Variants in ATXN7L1 observed in about 807,000 individuals in gnomAD.
The protein encoded by ATXN7L1 is ataxin-7-like protein 1.
In ATXN7L1, 15 loss-of-function variants were observed where a neutral mutation model predicts 70.8. The observed-to-expected ratio is 0.21, with a 90% CI of 0.14 to 0.33. The LOEUF (loss-of-function observed/expected upper bound fraction) is 0.33, where lower values mean the gene tolerates loss of function less well. ATXN7L1 is among the 10% of genes least tolerant of loss of function. The pLI, the probability that ATXN7L1 is intolerant of heterozygous loss-of-function variation, is 1.00. For missense variants in ATXN7L1, 975 were observed against 1,097.1 expected, an observed-to-expected ratio of 0.89 and a Z score of 1.57; for synonymous variants, 440 against 445.1, an observed-to-expected ratio of 0.99 and a Z score of 0.14.
chr7:105,787,212 A>G (rs1804434244), intron 3 of ATXN7L1, among the ~76,000 whole-genome samples: 1 of 152,204 alleles, frequency 6.6e-6, no homozygotes, highest in South Asian at 2.1e-4. Context: ...CAGAATGAAC[A>G]TGTCAGAGCT....
intron 2 of ATXN7L1, among the ~76,000 whole-genome samples, chr7:105,792,850 C>T (rs757387012): frequency 2.0e-5 from 3 of 152,088 alleles, no homozygotes; most frequent in Non-Finnish European, 1.5e-5. Context: ...AAGAGTGAAA[C>T]CACCTGTAAT....
intron 2 of ATXN7L1, among the ~76,000 whole-genome samples, chr7:105,795,087 G>T (rs929406): frequency 1.3e-5 from 2 of 152,090 alleles, no homozygotes; most frequent in East Asian, 1.9e-4. Context: ...CCTTCCTCCC[G>T]CTGAAATCTG....
At chr7:105,828,847 A>G (rs1253388729) in intron 2 of ATXN7L1, among the ~76,000 whole-genome samples, 3 of 152,188 alleles carry the variant, frequency 2.0e-5, no homozygotes, top group African/African-American at 4.8e-5. Context: ...AGCACTGACA[A>G]TTTCTAAAGA....
chr7:105,624,668 A>AC (rs1453567033), intron 7 of ATXN7L1, among the ~76,000 whole-genome samples: 3 of 147,648 alleles, frequency 2.0e-5, no homozygotes, highest in Non-Finnish European at 4.5e-5. Context: ...AAAAAAAAAC[A>AC]GCCTGATTAG....
intron 3 of ATXN7L1, among the ~76,000 whole-genome samples, chr7:105,693,930 A>G (rs1283692601): frequency 9.2e-5 from 14 of 152,190 alleles, no homozygotes; most frequent in Admixed American, 9.2e-4. Context: ...TAGCACATCC[A>G]AGACCAAGGA....
chr7:105,613,325 G>A (rs778422375), intron 10 of ATXN7L1: 21 of 202,044 alleles, frequency 1.0e-4, no homozygotes, highest in African/African-American at 4.7e-5. Context: ...GGAGGTGGGG[G>A]TCGAGGCAGC....
chr7:105,613,927 T>C lies in ATXN7L1; in HGVS notation c.2407A>G (p.Lys803Glu), dbSNP rs1221060491. ...GCGAGAAGGCTGGGCGGGTTCTTTT[T>C]GTGAACGCTATTCATACCAGGCATT... ...TKMPGMNSVH[K>E]KNPPSLLAPV... The change falls in exon 10 of 12, where the codon AAA (lysine) becomes GAA (glutamate). Residue 803 changes from lysine to glutamate, a missense_variant. Lys to Glu is a moderately conservative substitution (Grantham distance 56, BLOSUM62 1). This residue lies in a region of ATXN7L1 where 635 missense variants were observed against 699.4 expected (regional missense o/e 0.91). Coordinates refer to ENST00000419735, the MANE Select transcript of ATXN7L1 (RefSeq NM_020725.2). The C allele has an allele frequency of 6.4e-7, 1 of 1,552,086 alleles. No individual in the cohort carries two copies. Among genetic ancestry groups the C allele is most frequent in the South Asian group, 1.2e-5 (1 of 84,068 alleles).
intron 3 of ATXN7L1, chr7:105,761,179 C>T: frequency 1.5e-6 from 2 of 1,314,636 alleles, no homozygotes; most frequent in East Asian, 3.1e-5. Flanking sequence ...AAGAACCCCA[C>T]AGGTACCCCC....
intron 3 of ATXN7L1, among the ~76,000 whole-genome samples, chr7:105,765,334 CTAAA>C: frequency 6.6e-6 from 1 of 150,882 alleles, no homozygotes; most frequent in East Asian, 1.9e-4. Flanking sequence ...AAAAAACCCT[CTAAA>C]TAAGTCATAA....
rs112664654 is a variant in ATXN7L1 at position 105,617,585 on chromosome 7, AG to A, written c.1517+2614del. On this transcript the variant is annotated intron_variant, in intron 9 of 11. Coordinates refer to ENST00000419735, the MANE Select transcript of ATXN7L1 (RefSeq NM_020725.2). Reference sequence around the variant, plus strand: ...GGGCATGTGGCAGCTCCCTGTCCCCAGGAGTCCCTTCCCCGCCAAGGCTAAA... The same window carrying A: ...GGGCATGTGGCAGCTCCCTGTCCCCAGAGTCCCTTCCCCGCCAAGGCTAAA... 8.5e-3 allele frequency among the ~76,000 whole-genome samples: 1,290 copies of A among 152,304 alleles called. 15 individuals are homozygous for A. The highest frequency in any genetic ancestry group is 0.029 in the African/African-American group (1,224 of 41,574).
At chr7:105,711,746 C>T (rs148134919) in intron 3 of ATXN7L1, among the ~76,000 whole-genome samples, 26 of 152,312 alleles carry the variant, frequency 1.7e-4, no homozygotes, top group African/African-American at 3.4e-4. Context: ...CACTTCCAGG[C>T]GCATGGTGCA....
intron 2 of ATXN7L1, among the ~76,000 whole-genome samples, chr7:105,811,447 A>G (rs1035052931): frequency 1.1e-4 from 16 of 152,202 alleles, no homozygotes; most frequent in Non-Finnish European, 2.1e-4. Context: ...ATTTTAAGCC[A>G]TCTAGTTTGT....
intron 3 of ATXN7L1, among the ~76,000 whole-genome samples, chr7:105,686,573 C>T (rs1042825816): frequency 6.6e-6 from 1 of 152,188 alleles, no homozygotes; most frequent in Non-Finnish European, 1.5e-5. Context: ...CCTACTGAAC[C>T]TCATAGCCTT....
At chr7:105,656,785 C>T (rs908200434) in intron 4 of ATXN7L1, among the ~76,000 whole-genome samples, 24 of 152,120 alleles carry the variant, frequency 1.6e-4, no homozygotes, top group South Asian at 6.2e-4. Context: ...TGGCCAGGAT[C>T]GTCTTGAACT....
intron 3 of ATXN7L1, among the ~76,000 whole-genome samples, chr7:105,754,775 T>A (rs987744240): frequency 2.6e-5 from 4 of 152,230 alleles, no homozygotes; most frequent in South Asian, 2.1e-4. Context: ...GTTCATTTTT[T>A]AAATCAGATG....
chr7:105,666,999 A>G (rs1196154428), intron 3 of ATXN7L1, among the ~76,000 whole-genome samples: 1 of 152,222 alleles, frequency 6.6e-6, no homozygotes, highest in Non-Finnish European at 1.5e-5. Context: ...CTCAATCACC[A>G]TAAATACAAG....
intron 4 of ATXN7L1, among the ~76,000 whole-genome samples, chr7:105,651,828 G>A (rs955739133): frequency 5.3e-5 from 8 of 152,198 alleles, no homozygotes; most frequent in Non-Finnish European, 1.2e-4. Flanking sequence ...CAATCCTGAA[G>A]TATGTTAGGC....
At chr7:105,672,265 GAC>G (rs776694838) in intron 3 of ATXN7L1, among the ~76,000 whole-genome samples, 68 of 152,080 alleles carry the variant, frequency 4.5e-4, no homozygotes, top group Non-Finnish European at 8.1e-4. Flanking sequence ...CAGTCTCGGC[GAC>G]AGAGTGAGAC....
Position 105,614,300 on chromosome 7 carries a change from A to G in ATXN7L1, c.2034T>C (p.Cys678=). 6.4e-7 allele frequency: 1 copy of G among 1,552,144 alleles called. No individual in the cohort carries two copies. Among genetic ancestry groups the G allele is most frequent in the Non-Finnish European group, 8.7e-7 (1 of 1,147,092 alleles). ...TCAAAGCAGAACTGGCATTCAAAAC[A>G]CAGTTCTTTTTGTGAGGCCCTGACA... ...SPLSGPHKKN[C]VLNASSALNS... is the part of the protein sequence containing the mutation. The change falls in exon 10 of 12, where the codon TGT becomes TGC. Residue 678 remains cysteine (C), a synonymous_variant. Transcript: ENST00000419735. This position sits in a 1 kb window ranked among gnomAD's most constrained non-coding sequence, Gnocchi z 4.3.
Sources: gnomAD v4.1 joint callset for allele counts (sites outside exome capture counted in the v4.1 genomes callset) on GRCh38, gnomAD v4.1.1 for gene constraint, gnomAD v4.1.1 regional missense constraint, Gnocchi (gnomAD v3.1) non-coding constraint, MANE v1.5 for transcripts, NCBI Gene and HGNC (gene_info 2026-07-23, HGNC 2026-07-21) for gene names.